B3GALT1: variants seen among roughly 807,000 people sequenced by gnomAD.
B3GALT1 encodes the protein UDP-Gal:betaGlcNAc beta 1,3-galactosyltransferase, polypeptide 1.
Under a neutral mutation model 23.2 loss-of-function variants are expected in B3GALT1, and 10 were observed. The observed-to-expected ratio is 0.43, with a 90% CI of 0.27 to 0.73. The LOEUF is 0.73. Ranked by LOEUF, B3GALT1 falls within the 30% of genes least tolerant of loss-of-function variation. B3GALT1 has a pLI of 0.21. For missense variants in B3GALT1, 299 were observed against 405.4 expected, an observed-to-expected ratio of 0.74 and a Z score of 2.25; for synonymous variants, 156 against 141.5, an observed-to-expected ratio of 1.10 and a Z score of -0.73.
At chr2:167,487,564 G>A (rs941065522) in intron 1 of B3GALT1, among the ~76,000 whole-genome samples, 3 of 151,972 alleles carry the variant, frequency 2.0e-5, no homozygotes, top group African/African-American at 7.3e-5. Flanking sequence ...TCTTTTATCT[G>A]TTTAATCTTA....
intron 2 of B3GALT1, among the ~76,000 whole-genome samples, chr2:167,530,623 A>C (rs1046124811): frequency 2.0e-5 from 3 of 152,202 alleles, no homozygotes; most frequent in African/African-American, 7.2e-5. Flanking sequence ...AGAATTAAGG[A>C]TCGAAGAGAA....
chr2:167,313,573 C>A (rs932660086), intron 1 of B3GALT1, among the ~76,000 whole-genome samples: 6 of 152,102 alleles, frequency 3.9e-5, no homozygotes, highest in African/African-American at 1.4e-4. Context: ...TAAAGTGTCC[C>A]TCCAATACAG....
intron 4 of B3GALT1, among the ~76,000 whole-genome samples, chr2:167,860,433 G>C (rs990538454): frequency 5.9e-5 from 9 of 151,718 alleles, no homozygotes; most frequent in Non-Finnish European, 1.2e-4. Flanking sequence ...TTAATGTTGG[G>C]TTTATTTTTT....
At chr2:167,831,064 A>G (rs1689342628) in intron 4 of B3GALT1, among the ~76,000 whole-genome samples, 1 of 152,240 alleles carries the variant, frequency 6.6e-6, no homozygotes, top group Non-Finnish European at 1.5e-5. Flanking sequence ...ATTACTATCA[A>G]TAACTGTCAC....
rs188099547 is a variant in B3GALT1, at chr2:167,705,448, A to G, written c.-352+58482A>G. ...GACAAGGCAAGGCTTGGGGAACCTTATAAGAAGAATCAAGATGCTTTTTTT... is the reference window on the plus strand; with the variant it reads ...GACAAGGCAAGGCTTGGGGAACCTTGTAAGAAGAATCAAGATGCTTTTTTT... On this transcript the variant is annotated intron_variant, in intron 3 of 4. Coordinates refer to ENST00000392690, the MANE Select transcript of B3GALT1 (RefSeq NM_020981.4). 4.5e-4 allele frequency among the ~76,000 whole-genome samples: 68 copies of G among 152,306 alleles called. No individual in the cohort carries two copies. In the East Asian group the frequency reaches 9.1e-3, roughly 20 times the overall value.
intron 1 of B3GALT1, among the ~76,000 whole-genome samples, chr2:167,302,607 G>A (rs1696468575): frequency 6.6e-6 from 1 of 151,828 alleles, no homozygotes; most frequent in South Asian, 2.1e-4. Context: ...TTTGCATTTT[G>A]TAATTAAAAT....
intron 2 of B3GALT1, among the ~76,000 whole-genome samples, chr2:167,606,886 G>A (rs1684970460): frequency 6.6e-6 from 1 of 152,174 alleles, no homozygotes; most frequent in Non-Finnish European, 1.5e-5. Flanking sequence ...TTCAAAATAA[G>A]GATGTAGAAT....
intron 4 of B3GALT1, among the ~76,000 whole-genome samples, chr2:167,862,036 G>T (rs1482573250): frequency 2.0e-5 from 3 of 152,194 alleles, no homozygotes; most frequent in African/African-American, 7.2e-5. Flanking sequence ...AAGCTCAAAT[G>T]ATTGCCAAGC....
At chr2:167,425,324 C>T (rs1228179385) in intron 1 of B3GALT1, among the ~76,000 whole-genome samples, 1 of 152,074 alleles carries the variant, frequency 6.6e-6, no homozygotes, top group Non-Finnish European at 1.5e-5. Context: ...GTGACTCATA[C>T]TTTTGTCATA....
intron 2 of B3GALT1, among the ~76,000 whole-genome samples, chr2:167,557,295 C>G (rs948970120): frequency 6.6e-6 from 1 of 151,872 alleles, no homozygotes; most frequent in Non-Finnish European, 1.5e-5. Flanking sequence ...TCTTTGTTGC[C>G]AAGAATGTCA....
intron 1 of B3GALT1, among the ~76,000 whole-genome samples, chr2:167,425,936 A>AT (rs1394842476): frequency 6.6e-6 from 1 of 152,136 alleles, no homozygotes; most frequent in African/African-American, 2.4e-5. Context: ...ATAATATACC[A>AT]TTTTTTGCTG....
At chr2:167,364,236 A>T (rs1478175397) in intron 1 of B3GALT1, among the ~76,000 whole-genome samples, 1 of 151,024 alleles carries the variant, frequency 6.6e-6, no homozygotes, top group Non-Finnish European at 1.5e-5. Context: ...CTGCACACTT[A>T]TATCAAGGTT....
intron 3 of B3GALT1, among the ~76,000 whole-genome samples, chr2:167,798,316 C>T (rs1348983617): frequency 2.6e-5 from 4 of 152,082 alleles, no homozygotes; most frequent in African/African-American, 9.7e-5. Context: ...TTTTTAGCTT[C>T]TGTTGCCATC....
chr2:167,342,417 G>A (rs1187322236), intron 1 of B3GALT1, among the ~76,000 whole-genome samples: 4 of 151,762 alleles, frequency 2.6e-5, no homozygotes, highest in African/African-American at 9.7e-5. Flanking sequence ...GTGAAACCCC[G>A]TCTGTACTAA....
chr2:167,805,874 G>A (rs1271209156), intron 3 of B3GALT1, among the ~76,000 whole-genome samples: 3 of 152,112 alleles, frequency 2.0e-5, no homozygotes, highest in Non-Finnish European at 4.4e-5. Context: ...GAAAGTCATT[G>A]GTAGCTTGAT....
intron 3 of B3GALT1, among the ~76,000 whole-genome samples, chr2:167,694,129 T>A: frequency 6.6e-6 from 1 of 152,022 alleles, no homozygotes; most frequent in East Asian, 1.9e-4. Context: ...CATGATCTAA[T>A]TACCTCCCAG....
At chr2:167,438,507 A>G (rs994752019) in intron 1 of B3GALT1, among the ~76,000 whole-genome samples, 3 of 152,244 alleles carry the variant, frequency 2.0e-5, no homozygotes, top group African/African-American at 7.2e-5. Flanking sequence ...ATTTTTGCTA[A>G]GAGTGCAACC....
At chr2:167,645,734 A>AT (rs1208207532) in intron 2 of B3GALT1, among the ~76,000 whole-genome samples, 3 of 151,402 alleles carry the variant, frequency 2.0e-5, no homozygotes, top group Admixed American at 6.6e-5. Context: ...TGCCTGGCTC[A>AT]TTTCTTTTGT....
At chr2:167,541,631 T>G (rs1683535218) in intron 2 of B3GALT1, among the ~76,000 whole-genome samples, 1 of 152,154 alleles carries the variant, frequency 6.6e-6, no homozygotes, top group Non-Finnish European at 1.5e-5. Flanking sequence ...ATAGATTTCT[T>G]TTTTTCTGGA....
Sources: gnomAD v4.1 joint callset for allele counts (sites outside exome capture counted in the v4.1 genomes callset) on GRCh38, gnomAD v4.1.1 for gene constraint, MANE v1.5 for transcripts, NCBI Gene and HGNC (gene_info 2026-07-23, HGNC 2026-07-21) for gene names.